RABGAP1L: variants seen among roughly 807,000 people sequenced by gnomAD.
The protein encoded by RABGAP1L is rab GTPase-activating protein 1-like.
RABGAP1L carries 63 observed loss-of-function variants against 137.7 expected under a neutral mutation model. The observed-to-expected ratio is 0.46, with a 90% CI of 0.37 to 0.56. The LOEUF (loss-of-function observed/expected upper bound fraction) is 0.56, where lower values mean the gene tolerates loss of function less well. RABGAP1L is among the 20% of genes least tolerant of loss of function. The pLI, the probability that RABGAP1L is intolerant of heterozygous loss-of-function variation, is 0.00. For missense variants in RABGAP1L, 1,095 were observed against 1,244.0 expected, an observed-to-expected ratio of 0.88 and a Z score of 1.80; for synonymous variants, 431 against 433.7, an observed-to-expected ratio of 0.99 and a Z score of 0.08.
intron 13 of RABGAP1L, among the ~76,000 whole-genome samples, chr1:174,429,366 C>T (rs1295373907): frequency 1.3e-5 from 2 of 152,054 alleles, no homozygotes; most frequent in Non-Finnish European, 2.9e-5. Context: ...CCAACAAGCC[C>T]CTTTCTAGGT....
rs1367095719 is a variant in RABGAP1L, at chr1:174,436,959, G to A, written c.1710+42814G>A. Among the ~76,000 whole-genome samples the A allele has an allele frequency of 2.6e-5, 4 of 152,240 alleles. No individual in the cohort carries two copies. The South Asian group carries it at 8.3e-4, about 31-fold the overall frequency. On this transcript the variant is annotated intron_variant, in intron 13 of 25. Transcript: ENST00000681986. ...CCGCTGCTGATACCCAGGCAAACAG[G>A]GTCTGGAGTGGACCTCCAGGAAACT...
chr1:174,589,912 T>C (rs1210658530), intron 13 of RABGAP1L, among the ~76,000 whole-genome samples: 2 of 152,184 alleles, frequency 1.3e-5, no homozygotes, highest in Non-Finnish European at 2.9e-5. Flanking sequence ...AGTTTTGTTC[T>C]TTTTGTTTAG....
chr1:174,653,001 A>T (rs1010411537), intron 14 of RABGAP1L, among the ~76,000 whole-genome samples: 1 of 152,062 alleles, frequency 6.6e-6, no homozygotes, highest in Non-Finnish European at 1.5e-5. Flanking sequence ...CTGCCTAGAG[A>T]GGAGGAATCT....
chr1:174,190,263 A>G (rs1311750435), intron 1 of RABGAP1L, among the ~76,000 whole-genome samples: 2 of 146,332 alleles, frequency 1.4e-5, no homozygotes, highest in Admixed American at 1.4e-4. Flanking sequence ...AGATCACACC[A>G]CTGCACTCCA....
chr1:174,823,314 G>A (rs1199532200), intron 19 of RABGAP1L, among the ~76,000 whole-genome samples: 1 of 152,190 alleles, frequency 6.6e-6, no homozygotes, highest in Admixed American at 6.5e-5. Context: ...ATCTATCAGA[G>A]TTGCCATAAC....
rs114410138 is a variant in RABGAP1L, at chr1:174,439,192, A to G, written c.1710+45047A>G. Among the ~76,000 whole-genome samples the G allele has an allele frequency of 7.3e-3, 1,111 of 152,174 alleles. 20 individuals are homozygous for G. The highest frequency in any genetic ancestry group is 0.026 in the African/African-American group (1,067 of 41,508). ...ACCATTAAATATTTCACCATTAAAT[A>G]TTATGCTAGATGTAGGTTTTCCCAT... On this transcript the variant is annotated intron_variant, in intron 13 of 25. Transcript: ENST00000681986.
chr1:174,420,490 T>A (rs1353973347), intron 13 of RABGAP1L, among the ~76,000 whole-genome samples: 2 of 152,170 alleles, frequency 1.3e-5, no homozygotes, highest in East Asian at 1.9e-4. Context: ...TGAGAGAACA[T>A]TAGGTTGAAT....
chr1:174,864,152 A>G (rs974482411), intron 19 of RABGAP1L, among the ~76,000 whole-genome samples: 14 of 152,154 alleles, frequency 9.2e-5, no homozygotes, highest in African/African-American at 3.4e-4. Context: ...TGGTTGTTTG[A>G]CCCAGAAGTA....
rs76446687 is a variant in RABGAP1L, at chr1:174,232,900, C to T, written c.542+1545C>T. ...TGCTCCAACTTGTTCTTCCCCTCTTCGTCCTTCCTTCTTTTCTTCTTAGCC... is the reference window on the plus strand; with the variant it reads ...TGCTCCAACTTGTTCTTCCCCTCTTTGTCCTTCCTTCTTTTCTTCTTAGCC... On this transcript the variant is annotated intron_variant, in intron 4 of 25. Transcript: ENST00000681986. Among the ~76,000 whole-genome samples, 1,419 of 151,854 alleles carry T rather than the reference C, an allele frequency of 9.3e-3. 28 individuals are homozygous for T. The highest frequency in any genetic ancestry group is 0.033 in the African/African-American group (1,371 of 41,394).
chr1:174,633,396 A>G (rs2148323886), intron 13 of RABGAP1L, among the ~76,000 whole-genome samples: 2 of 150,846 alleles, frequency 1.3e-5, no homozygotes, highest in Non-Finnish European at 2.9e-5. Context: ...ATACAAACAA[A>G]TGGAAGAACA....
intron 18 of RABGAP1L, among the ~76,000 whole-genome samples, chr1:174,764,111 G>A (rs959138834): frequency 3.9e-5 from 6 of 152,018 alleles, no homozygotes. Flanking sequence ...TGTTTTCAAC[G>A]TTTATCCATG....
intron 18 of RABGAP1L, among the ~76,000 whole-genome samples, chr1:174,758,583 T>C (rs757683588): frequency 1.3e-5 from 2 of 152,220 alleles, no homozygotes; most frequent in Non-Finnish European, 2.9e-5. Context: ...CTTAGGATAA[T>C]GGCCTCCTCT....
intron 11 of RABGAP1L, among the ~76,000 whole-genome samples, chr1:174,330,133 G>C (rs1457774740): frequency 6.6e-6 from 1 of 152,114 alleles, no homozygotes; most frequent in Non-Finnish European, 1.5e-5. Context: ...CAGACAATAT[G>C]ATTATCTATA....
At chr1:174,178,603 C>T (rs1009747960) in intron 1 of RABGAP1L, among the ~76,000 whole-genome samples, 38 of 152,062 alleles carry the variant, frequency 2.5e-4, no homozygotes, top group African/African-American at 8.2e-4. Flanking sequence ...CAGTGATAGA[C>T]TGGATAAAGA....
At position 174,621,183 on chromosome 1, in the gene RABGAP1L, A is replaced by G. The variant is rs554966155; in HGVS notation, c.1711-16192A>G. ...ACCTCTTCAAGGAGAACTACAAACC[A>G]CTGCTCAAGGAAATAAAAGAGGATA... On this transcript the variant is annotated intron_variant, in intron 13 of 25. Transcript: ENST00000681986. Among the ~76,000 whole-genome samples, 524 of 152,256 alleles carry G rather than the reference A, an allele frequency of 3.4e-3. 5 individuals are homozygous for G. The highest frequency in any genetic ancestry group is 0.012 in the African/African-American group (487 of 41,560).
chr1:174,820,600 G>T (rs746981540), intron 19 of RABGAP1L, among the ~76,000 whole-genome samples: 11 of 152,130 alleles, frequency 7.2e-5, no homozygotes, highest in Admixed American at 7.2e-4. Flanking sequence ...TGGGAGAAGG[G>T]AACAAAGAAT....
intron 13 of RABGAP1L, among the ~76,000 whole-genome samples, chr1:174,542,101 G>T (rs1490736353): frequency 6.6e-6 from 1 of 152,144 alleles, no homozygotes; most frequent in Non-Finnish European, 1.5e-5. Context: ...GATGATGCTG[G>T]CCTCATAAAA....
rs527674182 is a variant in RABGAP1L, at chr1:174,385,051, G to A, written c.1560-8944G>A. Among the ~76,000 whole-genome samples the A allele has an allele frequency of 2.6e-5, 4 of 152,202 alleles. No homozygotes were observed. In the South Asian group the frequency reaches 8.3e-4, roughly 32 times the overall value. On this transcript the variant is annotated intron_variant, in intron 12 of 25. Coordinates refer to ENST00000681986, the MANE Select transcript of RABGAP1L (RefSeq NM_001366446.1). Reference sequence around the variant, plus strand: ...TGTCATGGTGAGATATTTTGATTTAGCCATTTTAAAAACATCATTCTGACT... The same window carrying A: ...TGTCATGGTGAGATATTTTGATTTAACCATTTTAAAAACATCATTCTGACT...
intron 13 of RABGAP1L, among the ~76,000 whole-genome samples, chr1:174,404,251 A>T (rs1648995212): frequency 6.6e-6 from 1 of 152,182 alleles, no homozygotes; most frequent in African/African-American, 2.4e-5. Context: ...TTCACAGAGG[A>T]GAGAATATCT....
Sources: allele counts gnomAD v4.1 joint callset (sites outside exome capture counted in the v4.1 genomes callset), GRCh38; gene constraint gnomAD v4.1.1; transcripts MANE v1.5; gene names NCBI Gene and HGNC (gene_info 2026-07-23, HGNC 2026-07-21).